UVRAG: variants seen among roughly 807,000 people sequenced by gnomAD.
UVRAG encodes the protein UV radiation resistance-associated gene protein.
Under a neutral mutation model 78.0 loss-of-function variants are expected in UVRAG, and 19 were observed. The observed-to-expected ratio is 0.24, with a 90% confidence interval of 0.17 to 0.36. UVRAG has a LOEUF of 0.36. UVRAG is among the 10% of genes least tolerant of loss of function. UVRAG has a pLI of 1.00. For missense variants in UVRAG, 740 were observed against 853.8 expected (o/e 0.87, Z 1.66); for synonymous variants, 323 against 324.6 (o/e 1.00, Z 0.05).
intron 12 of UVRAG, among the ~76,000 whole-genome samples, chr11:76,040,471 CAAA>C (rs1268306462): frequency 6.4e-5 from 5 of 77,818 alleles, no homozygotes. Flanking sequence ...TACTCCATCT[CAAA>C]AAAAAAAAAA....
At chr11:75,832,886 A>G (rs1159532306) in intron 1 of UVRAG, among the ~76,000 whole-genome samples, 1 of 152,226 alleles carries the variant, frequency 6.6e-6, no homozygotes, top group Non-Finnish European at 1.5e-5. Context: ...TTATTACATT[A>G]TAACAAAAGA....
intron 1 of UVRAG, among the ~76,000 whole-genome samples, chr11:75,846,199 T>C (rs979883508): frequency 6.6e-5 from 10 of 152,140 alleles, no homozygotes; most frequent in African/African-American, 2.4e-4. Flanking sequence ...TCGAGAGCAG[T>C]TGAAGGATGA....
At chr11:76,046,504 C>A (rs1343162190) in intron 12 of UVRAG, among the ~76,000 whole-genome samples, 1 of 152,044 alleles carries the variant, frequency 6.6e-6, no homozygotes, top group Non-Finnish European at 1.5e-5. Flanking sequence ...TTATTAACTC[C>A]AGGGAAAACC....
chr11:76,143,431 G>GC lies in UVRAG; in HGVS notation c.*2024dup, dbSNP rs1193155669. Among the ~76,000 whole-genome samples the GC allele has an allele frequency of 6.6e-6, 1 of 152,190 alleles. No homozygotes were observed. The highest frequency in any genetic ancestry group is 1.5e-5 in the Non-Finnish European group (1 of 68,040). ...TGGACTCTGGGGTCTACCCGTCAGT[G>GC]CCCCCCACCGCTGTGCAGACTCCCT... is the stretch of plus-strand genomic sequence containing the variant. On this transcript the variant is annotated 3_prime_UTR_variant, in exon 15 of 15. Transcript: ENST00000356136.
intron 13 of UVRAG, among the ~76,000 whole-genome samples, chr11:76,075,935 ATTT>A (rs56391807): frequency 0.36 from 55,194 of 151,690 alleles, 11,991 homozygotes; most frequent in Non-Finnish European, 0.48. Flanking sequence ...TTTGTAGCCA[ATTT>A]TTTTTGCAGT....
intron 2 of UVRAG, among the ~76,000 whole-genome samples, chr11:75,858,046 CT>C (rs1252523796): frequency 6.6e-6 from 1 of 152,026 alleles, no homozygotes; most frequent in Non-Finnish European, 1.5e-5. Context: ...GTCACTTTTG[CT>C]TATTGCTCTG....
chr11:75,926,858 G>A (rs1948116678), intron 6 of UVRAG, among the ~76,000 whole-genome samples: 2 of 151,970 alleles, frequency 1.3e-5, no homozygotes, highest in Non-Finnish European at 2.9e-5. Context: ...AAACAGTTAT[G>A]TAGTTAATTT....
Position 75,911,947 on chromosome 11 carries a change from C to T in UVRAG, c.508-7C>T, listed in dbSNP as rs752174056. 1.9e-6 allele frequency: 3 copies of T among 1,596,722 alleles called. No individual in the cohort carries two copies. Among genetic ancestry groups the T allele is most frequent in the Non-Finnish European group, 2.6e-6 (3 of 1,166,618 alleles). Reference sequence around the variant, plus strand: ...TTTTGATTAATTTGTTGGTTAATGTCTTTCAGGGTTATTCAAATGCTCAGA... The same window carrying T: ...TTTTGATTAATTTGTTGGTTAATGTTTTTCAGGGTTATTCAAATGCTCAGA... On this transcript the variant is annotated splice_region_variant and splice_polypyrimidine_tract_variant and intron_variant, in intron 5 of 14. Transcript: ENST00000356136.
In UVRAG at chr11:75,843,958, A is replaced by T. The variant is rs986126402; in HGVS notation, c.118-7925A>T. ...TGGGTGACAGAGCAAGACGCCATCT[A>T]AAAAAAAAAAAAAAAAAAGAACTCT... On this transcript the variant is annotated intron_variant, in intron 1 of 14. Transcript: ENST00000356136. Among the ~76,000 whole-genome samples, 5 of 114,590 alleles carry T rather than the reference A, an allele frequency of 4.4e-5. No individual in the cohort carries two copies. In the East Asian group the frequency reaches 8.8e-4, roughly 20 times the overall value. 75.2% of individuals were successfully genotyped at this position (114,590 alleles called of 152,430 possible).
chr11:75,934,257 A>T (rs1450475118), intron 6 of UVRAG, among the ~76,000 whole-genome samples: 5 of 152,242 alleles, frequency 3.3e-5, no homozygotes, highest in African/African-American at 1.2e-4. Context: ...CAAACATCAC[A>T]TGTTCTCACT....
In UVRAG at chr11:76,100,801, T is replaced by C. The variant is rs144168224; in HGVS notation, c.1306-15123T>C. Among the ~76,000 whole-genome samples, 451 of 152,272 alleles carry C rather than the reference T, an allele frequency of 3.0e-3. 6 individuals are homozygous for C. Among genetic ancestry groups the C allele is most frequent in the African/African-American group, 0.01 (431 of 41,566 alleles). On this transcript the variant is annotated intron_variant, in intron 13 of 14. Coordinates refer to ENST00000356136, the MANE Select transcript of UVRAG (RefSeq NM_003369.4). ...TAGAACCCAGTATCTGTTGTTCCCC[T>C]CTTTGTGTCCATGTATTCTCATCAT...
At chr11:75,837,414 C>T (rs1945809360) in intron 1 of UVRAG, 1 of 151,740 alleles carries the variant, frequency 6.6e-6, no homozygotes. Flanking sequence ...GCAACATCTT[C>T]CTGTAGACTT....
chr11:75,940,164 C>G (rs1948456420), intron 6 of UVRAG, among the ~76,000 whole-genome samples: 1 of 152,104 alleles, frequency 6.6e-6, no homozygotes, highest in African/African-American at 2.4e-5. Context: ...AAGAAGGGAA[C>G]TGGAAATTAA....
intron 5 of UVRAG, among the ~76,000 whole-genome samples, chr11:75,905,780 C>T (rs1239185904): frequency 6.6e-6 from 1 of 152,058 alleles, no homozygotes; most frequent in East Asian, 1.9e-4. Flanking sequence ...TTGTGTACAA[C>T]TGTTTGTTTG....
At position 76,054,975 on chromosome 11, in the gene UVRAG, C is replaced by CT. The variant is rs112430245; in HGVS notation, c.1227-10734dup. Among the ~76,000 whole-genome samples, 268 of 152,288 alleles carry CT rather than the reference C, an allele frequency of 1.8e-3. 1 individual carries two copies. The highest frequency in any genetic ancestry group is 6.2e-3 in the African/African-American group (257 of 41,556). On this transcript the variant is annotated intron_variant, in intron 12 of 14. Coordinates refer to ENST00000356136, the MANE Select transcript of UVRAG (RefSeq NM_003369.4). ...TATTGATTGAATCAGTTCTTTTACT[C>CT]TAATTTCAAATGCTCTTACGTCTTC...
intron 12 of UVRAG, among the ~76,000 whole-genome samples, chr11:76,061,171 C>T (rs934424108): frequency 7.2e-5 from 11 of 152,194 alleles, no homozygotes; most frequent in Non-Finnish European, 1.5e-4. Flanking sequence ...ATGCACCAGT[C>T]CACACTCTGT....
intron 2 of UVRAG, among the ~76,000 whole-genome samples, chr11:75,852,408 C>A (rs955783341): frequency 1.3e-5 from 2 of 151,916 alleles, no homozygotes; most frequent in African/African-American, 4.8e-5. Context: ...GGATCTTTTT[C>A]AGAAGAATGG....
chr11:76,127,634 C>CAAAAAAAA, intron 14 of UVRAG, among the ~76,000 whole-genome samples: 1 of 82,920 alleles, frequency 1.2e-5, no homozygotes, highest in Non-Finnish European at 2.6e-5. Flanking sequence ...AACTCCGTCT[C>CAAAAAAAA]AAAAAAAAAA....
At chr11:75,858,500 T>C (rs769997337) in intron 2 of UVRAG, among the ~76,000 whole-genome samples, 1 of 152,236 alleles carries the variant, frequency 6.6e-6, no homozygotes, top group Non-Finnish European at 1.5e-5. Flanking sequence ...ATAATTTATT[T>C]ACTGGCTCCT....
Sources: gnomAD v4.1 joint callset for allele counts (sites outside exome capture counted in the v4.1 genomes callset) on GRCh38, gnomAD v4.1.1 for gene constraint, MANE v1.5 for transcripts, NCBI Gene and HGNC (gene_info 2026-07-23, HGNC 2026-07-21) for gene names.